STX8: variants seen among roughly 807,000 people sequenced by gnomAD.
The protein encoded by STX8 is syntaxin 8.
A neutral mutation model predicts 37.5 loss-of-function variants in STX8; 23 were observed. The ratio of observed to expected loss-of-function variants is 0.61; its 90% confidence interval spans 0.44 to 0.87. STX8 has a LOEUF of 0.87. STX8 is among the 40% of genes least tolerant of loss of function. The pLI is 0.00. For missense variants in STX8, 313 were observed against 284.7 expected, an observed-to-expected ratio of 1.10 and a Z score of -0.71; for synonymous variants, 115 against 99.1, an observed-to-expected ratio of 1.16 and a Z score of -0.95.
chr17:9,412,813 G>A (rs553278644), intron 6 of STX8, among the ~76,000 whole-genome samples: 9 of 152,134 alleles, frequency 5.9e-5, no homozygotes, highest in East Asian at 5.8e-4. Flanking sequence ...AATATAATTC[G>A]TCTTTAGAGT....
chr17:9,423,797 G>C (rs1913528089), intron 6 of STX8, among the ~76,000 whole-genome samples: 1 of 152,134 alleles, frequency 6.6e-6, no homozygotes, highest in South Asian at 2.1e-4. Context: ...TTTTCTGCCA[G>C]AAAGCTAGAC....
chr17:9,311,004 C>T (rs1162918737), intron 7 of STX8, among the ~76,000 whole-genome samples: 4 of 151,954 alleles, frequency 2.6e-5, no homozygotes, highest in Non-Finnish European at 4.4e-5. Flanking sequence ...TTTGGGAGGC[C>T]GAGGTGGGCG....
At chr17:9,405,949 G>A (rs9895250) in intron 6 of STX8, among the ~76,000 whole-genome samples, 39,601 of 152,076 alleles carry the variant, frequency 0.26, 5,847 homozygotes, top group African/African-American at 0.4. Context: ...CTTTTTCTCA[G>A]ATCACATTAG....
intron 6 of STX8, among the ~76,000 whole-genome samples, chr17:9,438,480 C>T (rs1305795052): frequency 2.0e-5 from 3 of 152,090 alleles, no homozygotes; most frequent in Admixed American, 6.6e-5. Context: ...AATTCATTGG[C>T]ACACTAAGGT....
At chr17:9,445,984 T>C (rs543573039) in intron 6 of STX8, among the ~76,000 whole-genome samples, 24 of 151,906 alleles carry the variant, frequency 1.6e-4, no homozygotes, top group East Asian at 9.7e-4. Context: ...TACAGGCGCC[T>C]GCCACCACGC....
At chr17:9,414,644 G>A (rs1025466579) in intron 6 of STX8, among the ~76,000 whole-genome samples, 2 of 152,120 alleles carry the variant, frequency 1.3e-5, no homozygotes, top group African/African-American at 4.8e-5. Flanking sequence ...CACAGGGTGA[G>A]ACCGCTCTAC....
At chr17:9,376,268 G>T (rs1911580291) in intron 7 of STX8, among the ~76,000 whole-genome samples, 1 of 151,784 alleles carries the variant, frequency 6.6e-6, no homozygotes, top group Admixed American at 6.6e-5. Context: ...GCCCCAATCA[G>T]CGCTCTGTGT....
At position 9,443,356 on chromosome 17, in the gene STX8, C is replaced by T. The variant is rs561969174; in HGVS notation, c.541+48473G>A. On this transcript the variant is annotated intron_variant, in intron 6 of 7. Coordinates refer to ENST00000306357, the MANE Select transcript of STX8 (RefSeq NM_004853.3). The stretch of plus-strand genomic sequence containing the variant: ...TCATTCATTAAGCATCTACAATGTA[C>T]CTACTATATGTAAGGGAGAGCACAA... Among the ~76,000 whole-genome samples the T allele has an allele frequency of 3.9e-4, 59 of 152,288 alleles. 1 individual carries two copies. Among genetic ancestry groups the T allele is most frequent in the African/African-American group, 1.3e-3 (56 of 41,554 alleles).
rs142827169 is a variant in STX8, at chr17:9,325,948, A to G, written c.643+52604T>C. Among the ~76,000 whole-genome samples, 166 of 152,242 alleles carry G rather than the reference A, an allele frequency of 1.1e-3. 1 individual carries two copies. The highest frequency in any genetic ancestry group is 3.6e-3 in the African/African-American group (151 of 41,550). On this transcript the variant is annotated intron_variant, in intron 7 of 7. Transcript: ENST00000306357. ...ATGGCAGCAGTGGCATCAATTATCTAGGGACATAAATGGCAGCCCCCAGCT... is the reference window on the plus strand; with the variant it reads ...ATGGCAGCAGTGGCATCAATTATCTGGGGACATAAATGGCAGCCCCCAGCT...
intron 3 of STX8, among the ~76,000 whole-genome samples, chr17:9,547,875 C>T (rs1044964277): frequency 1.3e-5 from 2 of 151,080 alleles, no homozygotes; most frequent in African/African-American, 4.9e-5. Flanking sequence ...TCACTGCAAC[C>T]TCCACTACCT....
intron 6 of STX8, among the ~76,000 whole-genome samples, chr17:9,485,246 G>T (rs1183956875): frequency 1.3e-5 from 2 of 152,220 alleles, no homozygotes; most frequent in African/African-American, 4.8e-5. Context: ...CGAGGCCAAG[G>T]ATGACAGTGG....
At chr17:9,546,599 T>TTTTTG (rs1906534743) in intron 3 of STX8, among the ~76,000 whole-genome samples, 3 of 126,218 alleles carry the variant, frequency 2.4e-5, no homozygotes, top group Non-Finnish European at 1.7e-5. Flanking sequence ...TGGTTTTTTT[T>TTTTTG]TTTTTTTTTT....
intron 6 of STX8, among the ~76,000 whole-genome samples, chr17:9,421,713 C>T (rs1442782539): frequency 2.0e-5 from 3 of 152,156 alleles, no homozygotes; most frequent in Non-Finnish European, 4.4e-5. Context: ...TTCCTCACTC[C>T]AAAAGGAAAC....
intron 2 of STX8, among the ~76,000 whole-genome samples, chr17:9,558,335 C>T (rs1326859176): frequency 6.6e-6 from 1 of 152,172 alleles, no homozygotes; most frequent in East Asian, 1.9e-4. Context: ...CAAGCGGACT[C>T]CCTCCTTGGA....
intron 6 of STX8, chr17:9,461,287 G>A (rs1334568684): frequency 6.6e-6 from 1 of 152,202 alleles, no homozygotes; most frequent in Non-Finnish European, 1.5e-5. Flanking sequence ...AGGCAATCCA[G>A]GAGGTCAACA....
At chr17:9,470,796 G>T (rs1359235744) in intron 6 of STX8, among the ~76,000 whole-genome samples, 1 of 151,782 alleles carries the variant, frequency 6.6e-6, no homozygotes, top group Admixed American at 6.6e-5. Context: ...GCACAATCTC[G>T]GCTCACTGCA....
intron 3 of STX8, chr17:9,548,599 T>C (rs1906642817): frequency 6.6e-6 from 1 of 152,192 alleles, no homozygotes; most frequent in Admixed American, 6.5e-5. Flanking sequence ...TATCAATAAG[T>C]AACTAGTGTA....
intron 6 of STX8, among the ~76,000 whole-genome samples, chr17:9,417,447 TG>T (rs1227822487): frequency 6.6e-6 from 1 of 152,166 alleles, no homozygotes; most frequent in Non-Finnish European, 1.5e-5. Flanking sequence ...TTTAGTTAGT[TG>T]GGGTATAATA....
intron 5 of STX8, among the ~76,000 whole-genome samples, chr17:9,494,432 C>A (rs1907006657): frequency 6.6e-6 from 1 of 151,344 alleles, no homozygotes; most frequent in Admixed American, 6.6e-5. Context: ...AGTTTGAGAC[C>A]AGACTGGGCA....
Sources: allele counts gnomAD v4.1 joint callset (sites outside exome capture counted in the v4.1 genomes callset), GRCh38; gene constraint gnomAD v4.1.1; transcripts MANE v1.5; gene names NCBI Gene and HGNC (gene_info 2026-07-23, HGNC 2026-07-21).